PEX11B: variants seen among roughly 807,000 people sequenced by gnomAD.
PEX11B encodes the protein peroxisomal biogenesis factor 11 beta, also known as peroxisomal membrane protein 11B.
Under a neutral mutation model 28.2 loss-of-function variants are expected in PEX11B, and 18 were observed. The ratio of observed to expected loss-of-function variants is 0.64; its 90% CI spans 0.44 to 0.95. The LOEUF (loss-of-function observed/expected upper bound fraction) is 0.95, where lower values mean the gene tolerates loss of function less well. PEX11B is among the 40% of genes least tolerant of loss of function. The pLI, the probability that PEX11B is intolerant of heterozygous loss-of-function variation, is 0.00. For missense variants in PEX11B, 305 were observed against 319.8 expected, an observed-to-expected ratio of 0.95 and a Z score of 0.35; for synonymous variants, 128 against 128.7, an observed-to-expected ratio of 0.99 and a Z score of 0.04.
In PEX11B at chr1:145,911,963, T is replaced by C; in HGVS notation, c.*198A>G. 1 of 433,532 alleles carries C rather than the reference T, an allele frequency of 2.3e-6. No homozygotes were observed. The highest frequency in any genetic ancestry group is 4.1e-6 in the Non-Finnish European group (1 of 246,568). 26.9% of individuals were successfully genotyped at this position (433,532 alleles called of 1,614,324 possible). On this transcript the variant is annotated 3_prime_UTR_variant, in exon 4 of 4. Coordinates refer to ENST00000369306, the MANE Select transcript of PEX11B (RefSeq NM_003846.3). ...AAAAGAACAGAAGCTCAGGCACATC[T>C]AGAAATTAGAGACATCCTATTAACT...
Position 145,917,721 on chromosome 1 carries a change from T to G in PEX11B, c.152A>C (p.His51Pro), listed in dbSNP as rs1553754138. 1.2e-6 allele frequency: 2 copies of G among 1,602,640 alleles called. No individual in the cohort carries two copies. The highest frequency in any genetic ancestry group is 3.3e-5 in the Admixed American group (2 of 59,988). Reference protein sequence around the residue: ...LQKQIRQLESHLSLGRKLLRL... With the variant: ...LQKQIRQLESPLSLGRKLLRL... Reference sequence around the variant, plus strand: ...CTTACGCTTTCTTCCAAGGCTCAGGTGGCTCTCCAGTTGTCGAATCTGTTT... The same window carrying G: ...CTTACGCTTTCTTCCAAGGCTCAGGGGGCTCTCCAGTTGTCGAATCTGTTT... The change falls in exon 2 of 4, where the codon CAC becomes CCC. Residue 51 changes from histidine to proline, a missense_variant. Coordinates refer to ENST00000369306, the MANE Select transcript of PEX11B (RefSeq NM_003846.3).
chr1:145,912,522 T>G lies in PEX11B; in HGVS notation c.419A>C (p.Tyr140Ser). Residue 140 changes from tyrosine to serine, a missense_variant, in exon 4 of 4, where the codon TAT becomes TCT. By Grantham distance (144) the Tyr-to-Ser change is moderately radical. Coordinates refer to ENST00000369306, the MANE Select transcript of PEX11B (RefSeq NM_003846.3). Reference protein sequence around the residue: ...SLIMNLSRDAYEIRLLMEQES... With the variant: ...SLIMNLSRDASEIRLLMEQES... ...TTGCTCCATCAGTAGGCGAATCTCA[T>G]AAGCATCACGGCTCAAATTCATGAT... is the stretch of plus-strand genomic sequence containing the variant. The G allele has an allele frequency of 1.3e-6, 2 of 1,495,224 alleles. No individual in the cohort carries two copies. The highest frequency in any genetic ancestry group is 1.4e-5 in the South Asian group (1 of 69,106). 92.6% of individuals were successfully genotyped at this position (1,495,224 alleles called of 1,614,324 possible).
In PEX11B at chr1:145,912,426, C is replaced by A. The variant is rs1657848961; in HGVS notation, c.515G>T (p.Gly172Val). The A allele has an allele frequency of 3.2e-6, 5 of 1,575,030 alleles. No homozygotes were observed. The East Asian group carries it at 9.1e-5, about 29-fold the overall frequency. The change falls in exon 4 of 4, where the codon GGA (glycine) becomes GTA (valine). Residue 172 changes from glycine (G) to valine (V), a missense_variant. By Grantham distance (109) the Gly-to-Val change is moderately radical. Transcript: ENST00000369306. The stretch of plus-strand genomic sequence containing the variant: ...TCCTGGAGTCCCTGGTCCCCCAAGT[C>A]CCCCAGTTTCACTTCCTCCTGGGAC... ...GGVPGGSETG[G>V]LGGPGTPGGG... is the part of the protein sequence containing the mutation.
At chr1:145,918,512 GC>G in intron 1 of PEX11B, 120 bp downstream of exon 1, 1 of 1,539,038 alleles carries the variant, frequency 6.5e-7, no homozygotes, top group East Asian at 2.4e-5. Flanking sequence ...GTCCGTTCGG[GC>G]CCCCGTAGCC....
At chr1:145,917,278 A>C (rs587635426) in intron 2 of PEX11B, among the ~76,000 whole-genome samples, 1 of 152,066 alleles carries the variant, frequency 6.6e-6, no homozygotes, top group Non-Finnish European at 1.5e-5. Context: ...TAAAAATACA[A>C]AAATTAGCCC....
Position 145,914,726 on chromosome 1 carries a change from C to T in PEX11B, c.374+2091G>A, listed in dbSNP as rs1451814806. ...GGTATGAGCTTAAGTATCACCTCTTCGGAGACGCCTTCCCTTATCCCTAAA... is the reference window on the plus strand; with the variant it reads ...GGTATGAGCTTAAGTATCACCTCTTTGGAGACGCCTTCCCTTATCCCTAAA... On this transcript the variant is annotated intron_variant, in intron 3 of 3. Transcript: ENST00000369306. Among the ~76,000 whole-genome samples the T allele has an allele frequency of 5.3e-5, 8 of 152,202 alleles. No individual in the cohort carries two copies. In the East Asian group the frequency reaches 5.8e-4, roughly 11 times the overall value.
intron 3 of PEX11B, among the ~76,000 whole-genome samples, chr1:145,916,303 CAA>C (rs1283742770): frequency 6.6e-6 from 1 of 152,234 alleles, no homozygotes; most frequent in Non-Finnish European, 1.5e-5. Context: ...ATTACTTTCT[CAA>C]AGAGTTTTTT....
In PEX11B at chr1:145,915,063, C is replaced by T. The variant is rs147661475; in HGVS notation, c.374+1754G>A. 9.6e-3 allele frequency among the ~76,000 whole-genome samples: 1,462 copies of T among 152,254 alleles called. 25 individuals carry two copies. Among genetic ancestry groups the T allele is most frequent in the African/African-American group, 0.033 (1,387 of 41,536 alleles). The stretch of plus-strand genomic sequence containing the variant: ...GGATTACAGGCATGCGCCACCACAC[C>T]CGGCTAATTTTGTATTTTTAGTAGA... On this transcript the variant is annotated intron_variant, in intron 3 of 3. Transcript: ENST00000369306.
intron 2 of PEX11B, 109 bp from the exon 3 acceptor site, chr1:145,917,127 A>AT: frequency 1.3e-6 from 1 of 753,518 alleles, no homozygotes; most frequent in Non-Finnish European, 2.4e-6. Context: ...AATAATGACA[A>AT]TTTTTTTAAA....
intron 1 of PEX11B, chr1:145,918,425 C>G (rs1553754293): frequency 6.5e-7 from 1 of 1,536,188 alleles, no homozygotes; most frequent in East Asian, 2.4e-5. Context: ...CGCTGGCCCA[C>G]TCATGCCTCA....
chr1:145,912,253 A>G lies in PEX11B; in HGVS notation c.688T>C (p.Cys230Arg). Reference sequence around the variant, plus strand: ...CAAAGCCCCACAATCCCAGGGCCACAGCGCCAGAGGCCTAGTTTGTCCAGA... The same window carrying G: ...CAAAGCCCCACAATCCCAGGGCCACGGCGCCAGAGGCCTAGTTTGTCCAGA... Reference protein sequence around the residue: ...IPLDKLGLWRCGPGIVGLCGL... With the variant: ...IPLDKLGLWRRGPGIVGLCGL... Residue 230 changes from cysteine to arginine, a missense_variant, in exon 4 of 4, where the codon TGT (cysteine) becomes CGT (arginine). Coordinates refer to ENST00000369306, the MANE Select transcript of PEX11B (RefSeq NM_003846.3). The G allele has an allele frequency of 6.2e-7, 1 of 1,614,086 alleles. No individual in the cohort carries two copies. Among genetic ancestry groups the G allele is most frequent in the South Asian group, 1.1e-5 (1 of 91,080 alleles).
At chr1:145,917,222 C>T (rs782748781) in intron 2 of PEX11B, among the ~76,000 whole-genome samples, 2 of 151,886 alleles carry the variant, frequency 1.3e-5, no homozygotes, top group African/African-American at 4.8e-5. Context: ...CCTGAGGTCA[C>T]GAGTTTGAGA....
chr1:145,918,304 G>T (rs1647526807), intron 1 of PEX11B: 43 of 1,480,370 alleles, frequency 2.9e-5, no homozygotes, highest in Non-Finnish European at 3.8e-5. Context: ...CCTCAGCTCT[G>T]GGGGCAGAGT....
At chr1:145,913,592 AACACACACACACACACACAC>A (rs56031424) in intron 3 of PEX11B, among the ~76,000 whole-genome samples, 1 of 142,802 alleles carries the variant, frequency 7.0e-6, no homozygotes, top group East Asian at 2.1e-4. Context: ...TCCACTTGGC[AACACACACACACACACACAC>A]ACACACACAC....
intron 3 of PEX11B, 26 bp downstream of exon 3, chr1:145,916,791 T>C (rs1450942512): frequency 1.9e-6 from 3 of 1,564,494 alleles, no homozygotes; most frequent in South Asian, 1.1e-5. Context: ...CAAAAAAAAA[T>C]CTTAAAGGAG....
intron 3 of PEX11B, among the ~76,000 whole-genome samples, chr1:145,915,127 C>T (rs969801389): frequency 6.6e-6 from 1 of 152,200 alleles, no homozygotes. Context: ...GGTCTCAAAA[C>T]TCCTGACCTC....
chr1:145,915,634 CTTT>C (rs587607174), intron 3 of PEX11B, among the ~76,000 whole-genome samples: 6 of 137,352 alleles, frequency 4.4e-5, no homozygotes, highest in Non-Finnish European at 4.8e-5. Flanking sequence ...CTTTTCTTTT[CTTT>C]TTTTTTTTTT....
chr1:145,918,516 C>T (rs1647550370), intron 1 of PEX11B, 117 bp downstream of exon 1: 1 of 1,539,742 alleles, frequency 6.5e-7, no homozygotes, highest in Non-Finnish European at 8.7e-7. Flanking sequence ...GTTCGGGCCC[C>T]CGTAGCCGGA....
chr1:145,913,705 C>T (rs1657909063), intron 3 of PEX11B, among the ~76,000 whole-genome samples: 2 of 152,062 alleles, frequency 1.3e-5, no homozygotes, highest in South Asian at 2.1e-4. Context: ...GTCTCAGAGA[C>T]TCAAACATAT....
Sources: gnomAD v4.1 joint callset for allele counts (sites outside exome capture counted in the v4.1 genomes callset) on GRCh38, gnomAD v4.1.1 for gene constraint, MANE v1.5 for transcripts, NCBI Gene and HGNC (gene_info 2026-07-23, HGNC 2026-07-21) for gene names.